Variants in OCA2 observed in about 807,000 individuals in gnomAD.
OCA2 encodes OCA2 melanosomal transmembrane protein, also known as P protein.
A neutral mutation model predicts 100.2 loss-of-function variants in OCA2; 77 were observed. The observed-to-expected ratio is 0.77, with a 90% CI of 0.64 to 0.93. The LOEUF (loss-of-function observed/expected upper bound fraction) is 0.93. OCA2 is among the 40% of genes least tolerant of loss of function. OCA2 has a pLI of 0.00. For synonymous variants in OCA2, 432 were observed against 439.2 expected (o/e 0.98, Z 0.21); for missense variants, 1,062 against 1,089.1 (o/e 0.98, Z 0.35).
chr15:27,915,098 A>G (rs1419007017), intron 19 of OCA2, among the ~76,000 whole-genome samples: 1 of 152,144 alleles, frequency 6.6e-6, no homozygotes, highest in Non-Finnish European at 1.5e-5. Context: ...CAACAAAAAC[A>G]AGCAATGGGG....
At chr15:27,986,772 T>C in intron 11 of OCA2, 129 bp from the exon 12 acceptor site, 2 of 751,704 alleles carry the variant, frequency 2.7e-6, no homozygotes, top group Admixed American at 1.9e-5. Flanking sequence ...CTCCTCACTC[T>C]GAGATGCAGA....
At chr15:27,778,275 A>C (rs2151077512) in intron 23 of OCA2, among the ~76,000 whole-genome samples, 1 of 152,326 alleles carries the variant, frequency 6.6e-6, no homozygotes, top group Middle Eastern at 3.4e-3. Context: ...CATTTTTGCA[A>C]CACTGTTCAG....
chr15:27,726,417 A>G, the OCA2 span, among the ~76,000 whole-genome samples: 6 of 152,316 alleles, frequency 3.9e-5, no homozygotes, highest in Non-Finnish European at 1.5e-5. Flanking sequence ...ATGGTTTAAA[A>G]CTGCATGAAA....
intron 19 of OCA2, among the ~76,000 whole-genome samples, chr15:27,873,600 G>A (rs1041235456): frequency 6.6e-6 from 1 of 152,152 alleles, no homozygotes; most frequent in African/African-American, 2.4e-5. Context: ...TGCACACAGA[G>A]TATGGTGTGC....
intron 14 of OCA2, among the ~76,000 whole-genome samples, chr15:27,970,255 G>A (rs1486626847): frequency 6.6e-6 from 1 of 151,586 alleles, no homozygotes; most frequent in Non-Finnish European, 1.5e-5. Flanking sequence ...AGACCCCTGA[G>A]CCCACAGATA....
intron 19 of OCA2, among the ~76,000 whole-genome samples, chr15:27,918,515 A>G (rs1001083036): frequency 5.9e-5 from 9 of 152,214 alleles, no homozygotes; most frequent in African/African-American, 2.2e-4. Flanking sequence ...GTTTCTGCAC[A>G]AAAAGTGCCT....
chr15:27,966,547 C>T lies in OCA2; in HGVS notation c.1636+143G>A, dbSNP rs563868567. On this transcript the variant is annotated intron_variant, in intron 15 of 23. Transcript: ENST00000354638. The stretch of plus-strand genomic sequence containing the variant: ...ATAGCAGCCCTGAAAACAGTGTATA[C>T]TAGAAGGTGGACGTGGAGAGTCACT... 271 of 851,212 alleles carry T rather than the reference C, an allele frequency of 3.2e-4. No individual in the cohort carries two copies. The African/African-American group carries it at 4.0e-3, about 13-fold the overall frequency. The allele number at this position is 851,212 out of a possible 1,614,324, so 52.7% of individuals were successfully genotyped here.
chr15:28,064,107 T>C (rs925364565), intron 2 of OCA2, among the ~76,000 whole-genome samples: 1 of 152,168 alleles, frequency 6.6e-6, no homozygotes, highest in Non-Finnish European at 1.5e-5. Context: ...TAACATTTTA[T>C]ATATGTCATC....
At position 27,822,447 on chromosome 15, in the gene OCA2, AGAGT is replaced by A. The variant is rs536289514; in HGVS notation, c.2432+22508_2432+22511del. 4.6e-5 allele frequency among the ~76,000 whole-genome samples: 7 copies of A among 152,326 alleles called. No individual in the cohort carries two copies. The East Asian group carries it at 1.4e-3, about 29-fold the overall frequency. The stretch of plus-strand genomic sequence containing the variant: ...TGGCATTTCTGTTGGGGCTCGCCTA[AGAGT>A]GAGACTGAGGGTTCATGCAAATGAA... On this transcript the variant is annotated intron_variant, in intron 23 of 23. Transcript: ENST00000354638.
intron 1 of OCA2, among the ~76,000 whole-genome samples, chr15:28,092,573 A>G (rs2044888724): frequency 6.6e-6 from 1 of 152,172 alleles, no homozygotes; most frequent in South Asian, 2.1e-4. Context: ...GTCTGGTCTC[A>G]AACTCCTGGG....
intron 2 of OCA2, among the ~76,000 whole-genome samples, chr15:28,074,752 CAGG>C (rs1162723604): frequency 1.3e-5 from 2 of 150,494 alleles, no homozygotes; most frequent in African/African-American, 2.5e-5. Flanking sequence ...GAGGCTGAGG[CAGG>C]AGAATCGCTT....
intron 3 of OCA2, 28 bp downstream of exon 3, chr15:28,032,037 C>G: frequency 6.4e-7 from 1 of 1,564,774 alleles, no homozygotes; most frequent in Non-Finnish European, 8.8e-7. Flanking sequence ...GAAACTCTTA[C>G]TTTCATATGA....
chr15:27,872,009 G>A (rs937344217), intron 19 of OCA2, 87 bp from the exon 20 acceptor site: 12 of 974,486 alleles, frequency 1.2e-5, no homozygotes, highest in East Asian at 4.8e-5. Flanking sequence ...ATGAAAAGAC[G>A]TGAACATAAG....
chr15:27,792,133 C>T (rs909761971), intron 23 of OCA2, among the ~76,000 whole-genome samples: 4 of 152,214 alleles, frequency 2.6e-5, no homozygotes, highest in African/African-American at 9.6e-5. Context: ...GACACCAATA[C>T]CCAAAAAGAT....
At chr15:27,907,698 A>T (rs964104627) in intron 19 of OCA2, among the ~76,000 whole-genome samples, 3 of 152,236 alleles carry the variant, frequency 2.0e-5, no homozygotes, top group Non-Finnish European at 2.9e-5. Context: ...ACAGAAGTAA[A>T]ATTTAAATCA....
the OCA2 span, among the ~76,000 whole-genome samples, chr15:27,728,431 G>A: frequency 6.6e-6 from 1 of 151,730 alleles, no homozygotes; most frequent in Non-Finnish European, 1.5e-5. Flanking sequence ...GAGCTGAGTC[G>A]TTTTATCAGC....
chr15:28,013,518 T>C (rs1294380886), intron 9 of OCA2, among the ~76,000 whole-genome samples: 3 of 152,290 alleles, frequency 2.0e-5, no homozygotes, highest in Middle Eastern at 3.4e-3. Flanking sequence ...GCTTGCTTCC[T>C]GGGAGCAGGG....
chr15:27,885,883 T>C (rs1449039566), intron 19 of OCA2, among the ~76,000 whole-genome samples: 2 of 152,212 alleles, frequency 1.3e-5, no homozygotes, highest in Non-Finnish European at 1.5e-5. Context: ...AAAAAGTTTA[T>C]ATATTCATAT....
intron 23 of OCA2, among the ~76,000 whole-genome samples, chr15:27,773,818 A>T (rs560845859): frequency 6.6e-6 from 1 of 152,340 alleles, no homozygotes; most frequent in African/African-American, 2.4e-5. Context: ...GTCATTGACT[A>T]TTCAGGAGTT....
Sources: gnomAD v4.1 joint callset for allele counts (sites outside exome capture counted in the v4.1 genomes callset) on GRCh38, gnomAD v4.1.1 for gene constraint, MANE v1.5 for transcripts, NCBI Gene and HGNC (gene_info 2026-07-23, HGNC 2026-07-21) for gene names.